Variants in CDK4 observed in about 807,000 individuals in gnomAD.
CDK4 encodes cyclin-dependent kinase 4.
Under a neutral mutation model 36.7 loss-of-function variants are expected in CDK4, and 13 were observed. That is an observed-to-expected ratio of 0.35 (90% confidence interval 0.23 to 0.56). CDK4 has a LOEUF of 0.56. CDK4 is among the 20% of genes least tolerant of loss of function. The pLI, the probability that CDK4 is intolerant of heterozygous loss-of-function variation, is 0.85. For synonymous variants in CDK4, 158 were observed against 146.4 expected (o/e 1.08, Z -0.57); for missense variants, 285 against 387.3 (o/e 0.74, Z 2.22).
Position 57,748,466 on chromosome 12 carries a change from C to A in CDK4, c.*59G>T. ...CAGAGATAAAGGCAAAGATTGCCCT[C>A]TCAGTGTCCAGAAGGGAAATGGCAG... On this transcript the variant is annotated 3_prime_UTR_variant, in exon 8 of 8. Transcript: ENST00000257904. 8.1e-7 allele frequency: 1 copy of A among 1,236,964 alleles called. No homozygotes were observed. The highest frequency in any genetic ancestry group is 1.2e-6 in the Non-Finnish European group (1 of 837,944). The allele number at this position is 1,236,964 out of a possible 1,614,324, so 76.6% of individuals were successfully genotyped here.
At position 57,751,815 on chromosome 12, in the gene CDK4, C is replaced by G; in HGVS notation, c.-19-79G>C. 9.8e-7 allele frequency: 1 copy of G among 1,021,888 alleles called. No individual in the cohort carries two copies. Among genetic ancestry groups the G allele is most frequent in the Non-Finnish European group, 1.5e-6 (1 of 682,030 alleles). 63.3% of individuals were successfully genotyped at this position (1,021,888 alleles called of 1,614,324 possible). On this transcript the variant is annotated intron_variant, in intron 1 of 7. Coordinates refer to ENST00000257904, the MANE Select transcript of CDK4 (RefSeq NM_000075.4). The surrounding 1 kb of genome is among the most constrained non-coding windows in gnomAD (Gnocchi z 4.5). ...GAGCCTGCAGCAACAAAGGGACTCC[C>G]AAAAAAAAAGCGCAAAGAACACCAC...
chr12:57,750,847 T>C (rs2140386072), intron 4 of CDK4, 76 bp downstream of exon 4: 1 of 1,599,228 alleles, frequency 6.3e-7, no homozygotes, highest in Non-Finnish European at 8.6e-7. Context: ...ATGAAGCACA[T>C]GACTTCTCAA....
rs778454087 is a variant in CDK4 at position 57,747,934 on chromosome 12, G to A, written c.*591C>T. The stretch of plus-strand genomic sequence containing the variant: ...ATTTTGTATTTTTAGTAGAGACAGG[G>A]TTTCACCATGTTAGTCAGGCTGGTC... On this transcript the variant is annotated 3_prime_UTR_variant, in exon 8 of 8. Transcript: ENST00000257904. The A allele has an allele frequency of 7.8e-5, 15 of 191,450 alleles. No homozygotes were observed. Among genetic ancestry groups the A allele is most frequent in the Non-Finnish European group, 1.6e-4 (15 of 91,164 alleles). 11.9% of individuals were successfully genotyped at this position (191,450 alleles called of 1,614,324 possible).
intron 6 of CDK4, 27 bp downstream of exon 6, chr12:57,749,427 T>C: frequency 6.2e-7 from 1 of 1,613,826 alleles, no homozygotes; most frequent in Non-Finnish European, 8.5e-7. Context: ...GAATAGAAAA[T>C]CTTTTTCTCC....
chr12:57,749,218 TACCACCG>T lies in CDK4; in HGVS notation c.776_782del (p.Ser259TyrfsTer16). ...GTGCTCCCGACTCCTCCATCTCAGG[TACCACCG>T]ACTGCACTGGGCGGGGCCCTCTGGG... On this transcript the variant is annotated frameshift_variant, in exon 7 of 8. Transcript: ENST00000257904. LOFTEE classifies it high-confidence loss of function. 1 of 1,613,976 alleles carries T rather than the reference TACCACCG, an allele frequency of 6.2e-7. No homozygotes were observed. The highest frequency in any genetic ancestry group is 8.5e-7 in the Non-Finnish European group (1 of 1,179,868).
chr12:57,749,958 C>T, intron 5 of CDK4: 1 of 201,434 alleles, frequency 5.0e-6, no homozygotes. Context: ...GATCGCACTA[C>T]TGCACTCCAG....
intron 7 of CDK4, chr12:57,748,915 A>T (rs1955194449): frequency 3.6e-6 from 2 of 557,464 alleles, no homozygotes; most frequent in African/African-American, 1.9e-5. Flanking sequence ...CATGTTGGCC[A>T]GGCTGGTCTC....
rs753015067 is a variant in CDK4 at position 57,751,480 on chromosome 12, A to C, written c.218+20T>G. 1 of 1,612,304 alleles carries C rather than the reference A, an allele frequency of 6.2e-7. No homozygotes were observed. The highest frequency in any genetic ancestry group is 8.5e-7 in the Non-Finnish European group (1 of 1,178,912). ...CTTTTCCCTTTACTCCCCACGCCCA[A>C]CCCTCCACCACCTTCTCACCGGACA... On this transcript the variant is annotated intron_variant, in intron 2 of 7. Transcript: ENST00000257904. The surrounding 1 kb of genome is among the most constrained non-coding windows in gnomAD (Gnocchi z 4.5).
intron 5 of CDK4, chr12:57,750,193 A>C (rs947153431): frequency 6.9e-6 from 1 of 143,966 alleles, no homozygotes; most frequent in African/African-American, 2.7e-5. Flanking sequence ...ATAAATAAAT[A>C]AATAAAAAAT....
chr12:57,748,999 C>T, intron 7 of CDK4, 183 bp downstream of exon 7: 1 of 793,150 alleles, frequency 1.3e-6, no homozygotes, highest in South Asian at 1.6e-5. Context: ...AGCCACCGTG[C>T]CCAGCCAGGA....
In CDK4 at chr12:57,749,325, G is replaced by A. The variant is rs2140383220; in HGVS notation, c.684-8C>T. 6.2e-7 allele frequency: 1 copy of A among 1,614,164 alleles called. No homozygotes were observed. Among genetic ancestry groups the A allele is most frequent in the East Asian group, 2.2e-5 (1 of 44,886 alleles). ...GGAGGCAGCCCAATCAGGCTGTGGGGGACAGGAGAACTCTGGTCAGGAGGG... is the reference window on the plus strand; with the variant it reads ...GGAGGCAGCCCAATCAGGCTGTGGGAGACAGGAGAACTCTGGTCAGGAGGG... On this transcript the variant is annotated splice_region_variant and splice_polypyrimidine_tract_variant and intron_variant, in intron 6 of 7. Coordinates refer to ENST00000257904, the MANE Select transcript of CDK4 (RefSeq NM_000075.4).
chr12:57,752,128 AG>A lies in CDK4; in HGVS notation c.-20+46del, dbSNP rs935799315. 4.2e-5 allele frequency: 14 copies of A among 331,450 alleles called. No homozygotes were observed. In the Admixed American group the frequency reaches 6.5e-4, roughly 15 times the overall value. The allele number at this position is 331,450 out of a possible 1,614,324, so 20.5% of individuals were successfully genotyped here. On this transcript the variant is annotated intron_variant, in intron 1 of 7. Coordinates refer to ENST00000257904, the MANE Select transcript of CDK4 (RefSeq NM_000075.4). ...CGAAACGAACGCGTGGAAAGCTGTG[AG>A]GGGGGCGGGCACTGGTTCTCATTCC...
At position 57,747,930 on chromosome 12, in the gene CDK4, CA is replaced by C; in HGVS notation, c.*594del. On this transcript the variant is annotated 3_prime_UTR_variant, in exon 8 of 8. Transcript: ENST00000257904. The stretch of plus-strand genomic sequence containing the variant: ...ACTAATTTTGTATTTTTAGTAGAGA[CA>C]GGGTTTCACCATGTTAGTCAGGCTG... 1 of 189,502 alleles carries C rather than the reference CA, an allele frequency of 5.3e-6. No homozygotes were observed. Among genetic ancestry groups the C allele is most frequent in the Non-Finnish European group, 1.1e-5 (1 of 89,970 alleles). 11.7% of individuals were successfully genotyped at this position (189,502 alleles called of 1,614,324 possible). A position where few individuals can be genotyped will look rare whatever the true frequency, so the allele number is the denominator to read the frequency against.
chr12:57,750,762 C>T lies in CDK4; in HGVS notation c.526G>A (p.Val176Ile), dbSNP rs151103937. ...TCGGGAGCTCGGTACCAGAGTGTAA[C>T]AACCTAAAGGGAATAGGAAGAATGG... ...SYQMALTPVV[V>I]TLWYRAPEVL... The change falls in exon 5 of 8, where the codon GTT becomes ATT. Residue 176 changes from valine (V) to isoleucine (I), a missense_variant. By Grantham distance (29) the Val-to-Ile change is conservative. Transcript: ENST00000257904. The T allele has an allele frequency of 6.2e-7, 1 of 1,613,184 alleles. No individual in the cohort carries two copies. Among genetic ancestry groups the T allele is most frequent in the African/African-American group, 1.3e-5 (1 of 74,908 alleles).
At chr12:57,749,734 C>G (rs1179794801) in intron 5 of CDK4, 1 of 579,388 alleles carries the variant, frequency 1.7e-6, no homozygotes, top group Non-Finnish European at 3.1e-6. Context: ...TGCAGCGGCT[C>G]ACGCCTGTAA....
chr12:57,748,776 G>A, intron 7 of CDK4, 159 bp from the exon 8 acceptor site: 1 of 621,950 alleles, frequency 1.6e-6, no homozygotes, highest in Admixed American at 2.6e-5. Flanking sequence ...TATGATCTCA[G>A]CTCACTGCAA....
chr12:57,750,801 G>A lies in CDK4; in HGVS notation c.523-36C>T, dbSNP rs2140385990. ...TAGGAAGAATGGATGGGGACCCCAT[G>A]GGTTACCATGAAACACAACTTGCTT... On this transcript the variant is annotated intron_variant, in intron 4 of 7. Transcript: ENST00000257904. The A allele has an allele frequency of 3.1e-6, 5 of 1,596,706 alleles. No individual in the cohort carries two copies. The highest frequency in any genetic ancestry group is 4.3e-6 in the Non-Finnish European group (5 of 1,164,088).
chr12:57,751,921 C>T lies in CDK4; in HGVS notation c.-19-185G>A, dbSNP rs1955242589. 1.6e-6 allele frequency: 1 copy of T among 611,494 alleles called. No individual in the cohort carries two copies. The highest frequency in any genetic ancestry group is 2.9e-6 in the Non-Finnish European group (1 of 345,450). The allele number at this position is 611,494 out of a possible 1,614,324, so 37.9% of individuals were successfully genotyped here. A position where few individuals can be genotyped will look rare whatever the true frequency, so the allele number is the denominator to read the frequency against. On this transcript the variant is annotated intron_variant, in intron 1 of 7. Transcript: ENST00000257904. This position sits in a 1 kb window ranked among gnomAD's most constrained non-coding sequence, Gnocchi z 4.5. ...AATGACTCAATACCAACCCCTCCAG[C>T]CACGTGAGGCCCTGCAATAGAAAAC... is the stretch of plus-strand genomic sequence containing the variant.
chr12:57,752,023 T>G (rs1466030653), intron 1 of CDK4, 152 bp downstream of exon 1: 6 of 460,826 alleles, frequency 1.3e-5, no homozygotes. Flanking sequence ...ATCCTACACC[T>G]CAGTCCCTAA....
Sources: gnomAD v4.1 joint callset for allele counts on GRCh38, gnomAD v4.1.1 for gene constraint, Gnocchi (gnomAD v3.1) non-coding constraint, MANE v1.5 for transcripts, NCBI Gene and HGNC (gene_info 2026-07-23, HGNC 2026-07-21) for gene names.